The following HSD17B3 variants were observed in gnomAD, a reference collection of about 807,000 sequenced individuals.
The protein encoded by HSD17B3 is 17-beta-hydroxysteroid dehydrogenase type 3.
Under a neutral mutation model 41.1 loss-of-function variants are expected in HSD17B3, and 29 were observed. That is an observed-to-expected ratio of 0.71 (90% confidence interval 0.53 to 0.96). The LOEUF is 0.96. Ranked by LOEUF, HSD17B3 falls within the 40% of genes least tolerant of loss-of-function variation. HSD17B3 has a pLI of 0.00. For missense variants in HSD17B3, 323 were observed against 374.6 expected, an observed-to-expected ratio of 0.86 and a Z score of 1.14; for synonymous variants, 126 against 145.6, an observed-to-expected ratio of 0.87 and a Z score of 0.97.
At chr9:96,272,373 A>ATCTCTCTCTCTCTCTCTCTCTCTC (rs373017603) in intron 2 of HSD17B3, among the ~76,000 whole-genome samples, 57 of 4,416 alleles carry the variant, frequency 0.013, 20 homozygotes, top group East Asian at 0.024. Context: ...GTAAGACTGC[A>ATCTCTCTCTCTCTCTCTCTCTCTC]TCTCTCTCTC....
At chr9:96,270,306 A>G (rs959628336) in intron 2 of HSD17B3, among the ~76,000 whole-genome samples, 3 of 152,156 alleles carry the variant, frequency 2.0e-5, no homozygotes, top group Non-Finnish European at 2.9e-5. Context: ...ACAGAGAGAG[A>G]AAGAGTGCCA....
chr9:96,296,530 G>A (rs1217688908), intron 2 of HSD17B3, among the ~76,000 whole-genome samples: 1 of 152,124 alleles, frequency 6.6e-6, no homozygotes, highest in Non-Finnish European at 1.5e-5. Context: ...ATAGTGGAAA[G>A]CACTGGAACC....
intron 2 of HSD17B3, among the ~76,000 whole-genome samples, chr9:96,289,053 G>A (rs1201217957): frequency 1.3e-5 from 2 of 151,748 alleles, no homozygotes; most frequent in African/African-American, 2.4e-5. Context: ...AGAATGCAAT[G>A]AGCCGTGATC....
intron 2 of HSD17B3, among the ~76,000 whole-genome samples, chr9:96,297,862 A>G (rs1028355034): frequency 1.3e-5 from 2 of 152,222 alleles, no homozygotes; most frequent in Non-Finnish European, 1.5e-5. Context: ...TGCATTTTTT[A>G]AAGTATAATT....
rs939086875 is a variant in HSD17B3 at position 96,284,241 on chromosome 9, G to A, written c.201+14175C>T. Among the ~76,000 whole-genome samples, 869 of 91,200 alleles carry A rather than the reference G, an allele frequency of 9.5e-3. 9 individuals are homozygous for A. The highest frequency in any genetic ancestry group is 0.024 in the African/African-American group (647 of 27,182). 59.8% of individuals were successfully genotyped at this position (91,200 alleles called of 152,430 possible). A position where few individuals can be genotyped will look rare whatever the true frequency, so the allele number is the denominator to read the frequency against. Reference sequence around the variant, plus strand: ...AAAAAAAAAAAAAAAAAAAAAAAAAGACTAAAGTAATCTTTTTAAACTTTT... The same window carrying A: ...AAAAAAAAAAAAAAAAAAAAAAAAAAACTAAAGTAATCTTTTTAAACTTTT... On this transcript the variant is annotated intron_variant, in intron 2 of 10. Coordinates refer to ENST00000375263, the MANE Select transcript of HSD17B3 (RefSeq NM_000197.2).
intron 10 of HSD17B3, among the ~76,000 whole-genome samples, chr9:96,240,463 C>G (rs968828040): frequency 6.6e-6 from 1 of 152,166 alleles, no homozygotes; most frequent in Non-Finnish European, 1.5e-5. Context: ...CAGCAGCCCC[C>G]ACGTGGAAGC....
chr9:96,274,723 A>T (rs1423034007), intron 2 of HSD17B3, among the ~76,000 whole-genome samples: 2 of 152,206 alleles, frequency 1.3e-5, no homozygotes, highest in Non-Finnish European at 2.9e-5. Context: ...AAAAAGAATT[A>T]AAAAGATTGA....
intron 2 of HSD17B3, among the ~76,000 whole-genome samples, chr9:96,281,187 G>A (rs927038449): frequency 6.6e-6 from 1 of 152,074 alleles, no homozygotes; most frequent in Non-Finnish European, 1.5e-5. Flanking sequence ...AGGGATTATA[G>A]TGTGAAAACC....
intron 2 of HSD17B3, among the ~76,000 whole-genome samples, chr9:96,286,703 A>AC (rs1826933985): frequency 1.3e-5 from 1 of 78,390 alleles, no homozygotes. Context: ...AAAAAAAAAC[A>AC]AAAAAAAAAC....
intron 9 of HSD17B3, 54 bp from the exon 10 acceptor site, chr9:96,240,961 A>T: frequency 6.2e-7 from 1 of 1,607,686 alleles, no homozygotes. Flanking sequence ...CAGGAAGAAG[A>T]CTCAGAAATT....
Position 96,252,859 on chromosome 9 carries a change from T to C in HSD17B3, c.329A>G (p.Asp110Gly), listed in dbSNP as rs200961609. 250 of 1,613,842 alleles carry C rather than the reference T, an allele frequency of 1.5e-4. No homozygotes were observed. Among genetic ancestry groups the C allele is most frequent in the Middle Eastern group, 3.3e-4 (2 of 6,062 alleles). ...TTCTTTAATATGCTCGTAGATGTCA[T>C]CTTTTGTAAAATCTGCTTGTATAAT... ...VKIIQADFTK[D>G]DIYEHIKEKL... Residue 110 changes from aspartate (D) to glycine (G), a missense_variant, in exon 4 of 11, where the codon GAT becomes GGT. Asp to Gly is a moderately conservative substitution (Grantham distance 94, BLOSUM62 -1). Coordinates refer to ENST00000375263, the MANE Select transcript of HSD17B3 (RefSeq NM_000197.2).
In HSD17B3 at chr9:96,302,099, C is replaced by T. The variant is rs1467836348; in HGVS notation, c.6G>A (p.Gly2=). 2 of 1,613,938 alleles carry T rather than the reference C, an allele frequency of 1.2e-6. No homozygotes were observed. The highest frequency in any genetic ancestry group is 2.7e-5 in the African/African-American group (2 of 74,902). Residue 2 remains glycine (G), a synonymous_variant, in exon 1 of 11, where the codon GGG becomes GGA. Coordinates refer to ENST00000375263, the MANE Select transcript of HSD17B3 (RefSeq NM_000197.2). M[G]DVLEQFFILT... is the part of the protein sequence containing the mutation. ...GGATGAAGAACTGTTCCAGGACGTC[C>T]CCCATGGCTGCACTCAACAGACTGT... is the stretch of plus-strand genomic sequence containing the variant.
chr9:96,289,263 T>C (rs990213721), intron 2 of HSD17B3, among the ~76,000 whole-genome samples: 2 of 151,950 alleles, frequency 1.3e-5, no homozygotes, highest in Non-Finnish European at 2.9e-5. Flanking sequence ...AGACTGCGTG[T>C]GTGGGGGCAG....
chr9:96,258,700 A>G (rs1825753067), intron 2 of HSD17B3, among the ~76,000 whole-genome samples: 1 of 152,218 alleles, frequency 6.6e-6, no homozygotes, highest in Non-Finnish European at 1.5e-5. Flanking sequence ...AGGGATATTT[A>G]GGGAAAAATT....
intron 2 of HSD17B3, among the ~76,000 whole-genome samples, chr9:96,273,951 G>A (rs138356661): frequency 1.3e-4 from 20 of 152,252 alleles, no homozygotes; most frequent in Admixed American, 1.1e-3. Flanking sequence ...AATAAAGACT[G>A]GAAGAGGTGA....
intron 6 of HSD17B3, 171 bp downstream of exon 6, chr9:96,249,580 T>C: frequency 3.0e-6 from 2 of 657,928 alleles, no homozygotes; most frequent in Non-Finnish European, 5.5e-6. Flanking sequence ...CTGTATTTTC[T>C]AGATGAAAAA....
At chr9:96,289,910 G>A (rs1303824989) in intron 2 of HSD17B3, among the ~76,000 whole-genome samples, 3 of 152,164 alleles carry the variant, frequency 2.0e-5, no homozygotes, top group South Asian at 2.1e-4. Flanking sequence ...AACGGCTGCC[G>A]TGGGATGAAT....
chr9:96,258,587 T>A lies in HSD17B3; in HGVS notation c.202-3644A>T, dbSNP rs111659516. Among the ~76,000 whole-genome samples, 438 of 152,346 alleles carry A rather than the reference T, an allele frequency of 2.9e-3. 3 individuals carry two copies. Among genetic ancestry groups the A allele is most frequent in the African/African-American group, 9.9e-3 (411 of 41,580 alleles). On this transcript the variant is annotated intron_variant, in intron 2 of 10. Coordinates refer to ENST00000375263, the MANE Select transcript of HSD17B3 (RefSeq NM_000197.2). The stretch of plus-strand genomic sequence containing the variant: ...ATCTTAGCTGACCCCTCCTATACAA[T>A]GTTAAGGAAGCCCCTACCATTTATT...
chr9:96,245,650 C>T (rs1836634078), intron 7 of HSD17B3, among the ~76,000 whole-genome samples: 1 of 152,208 alleles, frequency 6.6e-6, no homozygotes, highest in African/African-American at 2.4e-5. Context: ...GTGATGCCAC[C>T]TGGCAGTCAT....
Sources: gnomAD v4.1 joint callset for allele counts (sites outside exome capture counted in the v4.1 genomes callset) on GRCh38, gnomAD v4.1.1 for gene constraint, MANE v1.5 for transcripts, NCBI Gene and HGNC (gene_info 2026-07-23, HGNC 2026-07-21) for gene names.